The following MROH1 variants were observed in gnomAD, a reference collection of about 807,000 sequenced individuals.
MROH1 encodes the protein maestro heat-like repeat-containing protein family member 1.
A neutral mutation model predicts 116.5 loss-of-function variants in MROH1; 117 were observed. The ratio of observed to expected loss-of-function variants is 1.00; its 90% CI spans 0.86 to 1.17. MROH1 has a LOEUF of 1.17. Ranked by LOEUF, MROH1 falls within the 50% of genes most tolerant of loss-of-function variation. The pLI, the probability that MROH1 is intolerant of heterozygous loss-of-function variation, is 0.00. For synonymous variants in MROH1, 921 were observed against 583.9 expected (o/e 1.58, Z -8.32); for missense variants, 1,873 against 1,338.5 (o/e 1.40, Z -6.23).
rs1727763060 is a variant in MROH1 at position 144,247,677 on chromosome 8, C to T, written c.3118C>T (p.Gln1040Ter). The T allele has an allele frequency of 2.6e-6, 2 of 763,974 alleles. No individual in the cohort carries two copies. The highest frequency in any genetic ancestry group is 4.8e-6 in the Non-Finnish European group (2 of 415,922). 47.3% of individuals were successfully genotyped at this position (763,974 alleles called of 1,614,324 possible). ...CTTCCACACCTGCCACAGTGTAGGCCAGGTACCAGCTGGGAGCTCTGCGGC... is the reference window on the plus strand; with the variant it reads ...CTTCCACACCTGCCACAGTGTAGGCTAGGTACCAGCTGGGAGCTCTGCGGC... ...ILFHTCHSVG[Q>*]IIAKRLPPDQ... The change falls in exon 31 of 44, where the codon CAG (glutamine) becomes TAG (stop). Residue 1040 changes from glutamine (Q) to a stop codon, truncating the protein, a stop_gained and splice_region_variant. Transcript: ENST00000326134. LOFTEE classifies it high-confidence loss of function.
At position 144,180,123 on chromosome 8, in the gene MROH1, G is replaced by A; in HGVS notation, c.301-55G>A. On this transcript the variant is annotated intron_variant, in intron 5 of 43. Coordinates refer to ENST00000326134, the MANE Select transcript of MROH1 (RefSeq NM_032450.3). This position sits in a 1 kb window ranked among gnomAD's most constrained non-coding sequence, Gnocchi z 7.4. The stretch of plus-strand genomic sequence containing the variant: ...CTTGTCCAAGGCTGGCAGCGACTGA[G>A]GGCAGAATGTCTTGGTCTTGCCTTT... 2 of 1,602,922 alleles carry A rather than the reference G, an allele frequency of 1.2e-6. No homozygotes were observed. Among genetic ancestry groups the A allele is most frequent in the East Asian group, 2.2e-5 (1 of 44,686 alleles).
At chr8:144,229,103 C>T (rs1362718066) in intron 14 of MROH1, among the ~76,000 whole-genome samples, 1 of 152,182 alleles carries the variant, frequency 6.6e-6, no homozygotes, top group Non-Finnish European at 1.5e-5. Context: ...CATCTTCAGG[C>T]TCCATTTCCA....
chr8:144,199,392 A>T (rs1830610212), intron 11 of MROH1, among the ~76,000 whole-genome samples, 192 bp downstream of exon 11: 1 of 152,054 alleles, frequency 6.6e-6, no homozygotes, highest in South Asian at 2.1e-4. Flanking sequence ...TGCAGCCTGG[A>T]ACGTTGTTCA....
At chr8:144,165,424 C>G (rs1299467034) in intron 3 of MROH1, among the ~76,000 whole-genome samples, 1 of 152,018 alleles carries the variant, frequency 6.6e-6, no homozygotes, top group Non-Finnish European at 1.5e-5. Flanking sequence ...CAGCCCACAC[C>G]CAGCCTATTT....
intron 3 of MROH1, among the ~76,000 whole-genome samples, chr8:144,167,491 TGGGTAGAGTGGCCGGTTGTTG>T (rs1315357640): frequency 9.2e-6 from 1 of 108,982 alleles, no homozygotes; most frequent in Non-Finnish European, 1.9e-5. Context: ...GGCCGGTTGT[TGGGTAGAGTGGCCGGTTGTTG>T]GGGTGGAGTG....
intron 8 of MROH1, among the ~76,000 whole-genome samples, 167 bp from the exon 9 acceptor site, chr8:144,191,548 G>C (rs765356737): frequency 6.6e-6 from 1 of 152,194 alleles, no homozygotes; most frequent in Non-Finnish European, 1.5e-5. Context: ...GCTTGCTGTG[G>C]TCTCCCCACA....
intron 34 of MROH1, 149 bp downstream of exon 34, chr8:144,255,127 C>G (rs925283543): frequency 1.7e-6 from 1 of 604,260 alleles, no homozygotes; most frequent in Admixed American, 2.9e-5. Flanking sequence ...AGCTCAGGCT[C>G]GTAAAGGCCT....
chr8:144,219,632 C>T lies in MROH1; in HGVS notation c.1142-968C>T, dbSNP rs115487161. 5.3e-3 allele frequency among the ~76,000 whole-genome samples: 806 copies of T among 152,262 alleles called. 7 individuals are homozygous for T. The highest frequency in any genetic ancestry group is 0.019 in the African/African-American group (782 of 41,550). On this transcript the variant is annotated intron_variant, in intron 12 of 43. Coordinates refer to ENST00000326134, the MANE Select transcript of MROH1 (RefSeq NM_032450.3). Reference sequence around the variant, plus strand: ...TCCTCCTAACCCAGGGCTGGAGTCGCCCCAGACGTGACAGGGGAGTTCCCA... The same window carrying T: ...TCCTCCTAACCCAGGGCTGGAGTCGTCCCAGACGTGACAGGGGAGTTCCCA...
At chr8:144,247,500 C>A (rs1179268795) in intron 30 of MROH1, 64 bp downstream of exon 30, 2 of 760,030 alleles carry the variant, frequency 2.6e-6, no homozygotes, top group Non-Finnish European at 4.9e-6. Flanking sequence ...GGATGAGGTG[C>A]GGAGTCCAGG....
At chr8:144,251,298 T>C (rs1366747487) in intron 33 of MROH1, 1 of 152,404 alleles carries the variant, frequency 6.6e-6, no homozygotes, top group Non-Finnish European at 1.5e-5. Context: ...ACTGTTGACC[T>C]TTCTGTGTGT....
Position 144,255,553 on chromosome 8 carries a change from GC to G in MROH1, c.3642del (p.Ala1215ArgfsTer41). On this transcript the variant is annotated frameshift_variant, in exon 35 of 44. Transcript: ENST00000326134. LOFTEE classifies it high-confidence loss of function. ...AGGTCATGTCCACGCCTGCAGCGGG[GC>G]CCGCGGTGCTCGAGCTCTACCCCCA... ...FEVMSTPAAG[P>X]AVLELYPQLF... The G allele has an allele frequency of 1.3e-6, 1 of 779,312 alleles. No individual in the cohort carries two copies. Among genetic ancestry groups the G allele is most frequent in the Non-Finnish European group, 2.4e-6 (1 of 417,794 alleles). 48.3% of individuals were successfully genotyped at this position (779,312 alleles called of 1,614,324 possible).
At chr8:144,164,889 C>A (rs890247656) in intron 3 of MROH1, among the ~76,000 whole-genome samples, 12 of 152,214 alleles carry the variant, frequency 7.9e-5, no homozygotes, top group Admixed American at 6.5e-5. Context: ...CATTCAATGT[C>A]TGTGAGGGCT....
intron 14 of MROH1, among the ~76,000 whole-genome samples, chr8:144,235,861 A>G (rs1395882081): frequency 1.3e-5 from 2 of 152,170 alleles, no homozygotes; most frequent in East Asian, 3.8e-4. Context: ...TTTTTTTCCA[A>G]CTCATTTGGG....
At chr8:144,256,990 C>A (rs1843973553) in intron 35 of MROH1, among the ~76,000 whole-genome samples, 1 of 152,076 alleles carries the variant, frequency 6.6e-6, no homozygotes, top group African/African-American at 2.4e-5. Context: ...ACCATGAGGC[C>A]CTGGCTCAGA....
chr8:144,199,238 G>A (rs756778814), intron 11 of MROH1, 38 bp downstream of exon 11: 2 of 1,596,994 alleles, frequency 1.3e-6, no homozygotes, highest in East Asian at 2.3e-5. Context: ...GGGCATCTGT[G>A]GACACTCACA....
chr8:144,215,044 G>A (rs546005781), intron 12 of MROH1, among the ~76,000 whole-genome samples: 2 of 152,162 alleles, frequency 1.3e-5, no homozygotes, highest in South Asian at 4.1e-4. Flanking sequence ...TGATTAGATG[G>A]TGCCCACCAA....
At chr8:144,171,500 G>T (rs1344554199) in intron 4 of MROH1, among the ~76,000 whole-genome samples, 2 of 152,172 alleles carry the variant, frequency 1.3e-5, no homozygotes, top group Non-Finnish European at 2.9e-5. Context: ...ATGCTCACTT[G>T]AGGCATTCTT....
Position 144,260,662 on chromosome 8 carries a change from G to GC in MROH1, c.4381-14dup. On this transcript the variant is annotated splice_polypyrimidine_tract_variant and intron_variant, in intron 39 of 43. Transcript: ENST00000326134. ...CACAGCCTGTGAGGAGACGTATGCT[G>GC]CATGTCCTTCCCAGGAGAAGATGGA... The GC allele has an allele frequency of 1.3e-6, 1 of 777,900 alleles. No individual in the cohort carries two copies. Among genetic ancestry groups the GC allele is most frequent in the Admixed American group, 1.7e-5 (1 of 59,036 alleles). The allele number at this position is 777,900 out of a possible 1,614,324, so 48.2% of individuals were successfully genotyped here. A position where few individuals can be genotyped will look rare whatever the true frequency, so the allele number is the denominator to read the frequency against.
rs79749774 is a variant in MROH1 at position 144,197,417 on chromosome 8, C to CTTTTTTTT, written c.949-1676_949-1669dup. On this transcript the variant is annotated intron_variant, in intron 10 of 43. Transcript: ENST00000326134. The stretch of plus-strand genomic sequence containing the variant: ...AAGAGTGGGCAGGAAGCTGCAGCAT[C>CTTTTTTTT]TTTTTTTTTTTTTTTTTTTTTTTTT... Among the ~76,000 whole-genome samples, 121 of 42,498 alleles carry CTTTTTTTT rather than the reference C, an allele frequency of 2.8e-3. 29 individuals are homozygous for CTTTTTTTT. Among genetic ancestry groups the CTTTTTTTT allele is most frequent in the South Asian group, 5.1e-3 (4 of 782 alleles). The allele number at this position is 42,498 out of a possible 152,430, so 27.9% of individuals were successfully genotyped here.
Sources: gnomAD v4.1 joint callset for allele counts (sites outside exome capture counted in the v4.1 genomes callset) on GRCh38, gnomAD v4.1.1 for gene constraint, Gnocchi (gnomAD v3.1) non-coding constraint, MANE v1.5 for transcripts, NCBI Gene and HGNC (gene_info 2026-07-23, HGNC 2026-07-21) for gene names.